The following DTNB variants were observed in gnomAD, a reference collection of about 807,000 sequenced individuals.
The protein encoded by DTNB is DTN-B.
DTNB carries 63 observed loss-of-function variants against 90.7 expected under a neutral mutation model. The ratio of observed to expected loss-of-function variants is 0.69; its 90% CI spans 0.57 to 0.86. The LOEUF is 0.86. DTNB is among the 40% of genes least tolerant of loss of function. DTNB has a pLI of 0.00. For synonymous variants in DTNB, 277 were observed against 286.7 expected (o/e 0.97, Z 0.34); for missense variants, 744 against 807.1 (o/e 0.92, Z 0.95).
intron 18 of DTNB, among the ~76,000 whole-genome samples, 169 bp from the exon 19 acceptor site, chr2:25,384,058 G>A (rs970736165): frequency 6.6e-6 from 1 of 152,232 alleles, no homozygotes; most frequent in Non-Finnish European, 1.5e-5. Context: ...TGCGGCCCAC[G>A]CCCCAGCACT....
At chr2:25,572,529 C>T (rs1411451151) in intron 8 of DTNB, among the ~76,000 whole-genome samples, 1 of 151,822 alleles carries the variant, frequency 6.6e-6, no homozygotes, top group Non-Finnish European at 1.5e-5. Flanking sequence ...ACGGTGGAGC[C>T]GGAGCAGGAG....
At chr2:25,464,739 T>C (rs531379345) in intron 10 of DTNB, among the ~76,000 whole-genome samples, 4 of 152,352 alleles carry the variant, frequency 2.6e-5, no homozygotes, top group African/African-American at 7.2e-5. Context: ...TTCTCTATGA[T>C]GCAGTGAGAA....
chr2:25,578,651 C>CAAGTGTGTT (rs1286829333), intron 7 of DTNB, among the ~76,000 whole-genome samples: 1 of 152,102 alleles, frequency 6.6e-6, no homozygotes, highest in East Asian at 1.9e-4. Context: ...AAAAAATTAA[C>CAAGTGTGTT]AAGTGTGTTG....
intron 9 of DTNB, among the ~76,000 whole-genome samples, chr2:25,526,397 T>TA (rs2077192595): frequency 3.1e-4 from 21 of 68,750 alleles, no homozygotes; most frequent in Non-Finnish European, 5.1e-4. Flanking sequence ...ATATATATAT[T>TA]TTTTTTTTTT....
At chr2:25,382,464 G>C (rs2038085909) in intron 19 of DTNB, among the ~76,000 whole-genome samples, 1 of 146,262 alleles carries the variant, frequency 6.8e-6, no homozygotes, top group African/African-American at 2.5e-5. Flanking sequence ...GTATAACATA[G>C]AAGGATGAAG....
intron 10 of DTNB, among the ~76,000 whole-genome samples, chr2:25,470,260 G>A (rs530639744): frequency 1.3e-5 from 2 of 151,962 alleles, no homozygotes; most frequent in African/African-American, 2.4e-5. Context: ...GTGAAAACCC[G>A]AACACCCAGA....
chr2:25,494,870 G>A (rs959367016), intron 9 of DTNB, among the ~76,000 whole-genome samples: 10 of 151,640 alleles, frequency 6.6e-5, no homozygotes, highest in African/African-American at 2.4e-4. Context: ...TTAGCGCTAG[G>A]AGGGGAACAG....
At chr2:25,410,830 CG>C (rs1219508127) in intron 16 of DTNB, among the ~76,000 whole-genome samples, 2 of 152,044 alleles carry the variant, frequency 1.3e-5, no homozygotes, top group Non-Finnish European at 2.9e-5. Context: ...TTTTTTAAAA[CG>C]TATCTGGCCT....
intron 10 of DTNB, among the ~76,000 whole-genome samples, chr2:25,463,785 A>G (rs1168162145): frequency 6.6e-6 from 1 of 152,250 alleles, no homozygotes; most frequent in African/African-American, 2.4e-5. Flanking sequence ...AGCTAGAGGA[A>G]ACCCCGTGGT....
chr2:25,484,080 AGCCTAGGCTACACCATACG>A (rs527324570), intron 9 of DTNB, among the ~76,000 whole-genome samples: 2 of 152,250 alleles, frequency 1.3e-5, no homozygotes, highest in Admixed American at 6.5e-5. Flanking sequence ...TACACCATAT[AGCCTAGGCTACACCATACG>A]GCCTAGGCTA....
rs760646876 is a variant in DTNB at position 25,580,802 on chromosome 2, A to G, written c.628T>C (p.Leu210=). The G allele has an allele frequency of 4.3e-6, 7 of 1,613,316 alleles. No individual in the cohort carries two copies. In the South Asian group the frequency reaches 7.7e-5, roughly 18 times the overall value. Residue 210 remains leucine, a synonymous_variant, in exon 7 of 21, where the codon TTA becomes CTA. Coordinates refer to ENST00000406818, the MANE Select transcript of DTNB (RefSeq NM_021907.5). The stretch of plus-strand genomic sequence containing the variant: ...GGAGGGTCAGCCATCATTGTGTCTA[A>G]AAACATATTTAGCATTATCTTTCTC... The part of the protein sequence containing the change: ...QQRKIMLNMF[L]DTMMADPPPQ...
intron 4 of DTNB, among the ~76,000 whole-genome samples, chr2:25,627,774 T>C (rs1002071471): frequency 1.3e-5 from 2 of 151,048 alleles, no homozygotes; most frequent in East Asian, 3.9e-4. Context: ...TCTCGCTCTG[T>C]CGCCCAGGCT....
chr2:25,526,950 C>T (rs944655154), intron 9 of DTNB, among the ~76,000 whole-genome samples: 1 of 151,936 alleles, frequency 6.6e-6, no homozygotes, highest in Non-Finnish European at 1.5e-5. Flanking sequence ...AAAATACAGA[C>T]CATTTTCCAG....
intron 10 of DTNB, among the ~76,000 whole-genome samples, chr2:25,474,996 CTT>C (rs2063492404): frequency 6.6e-6 from 1 of 152,316 alleles, no homozygotes; most frequent in African/African-American, 2.4e-5. Flanking sequence ...CTCTCTCTCT[CTT>C]CTCAGGCCTC....
intron 8 of DTNB, among the ~76,000 whole-genome samples, chr2:25,570,397 T>G (rs2059661095): frequency 7.9e-6 from 1 of 127,098 alleles, no homozygotes. Flanking sequence ...ATAGAGTGGT[T>G]TCCTGTCTCA....
At chr2:25,518,438 C>A (rs1483076227) in intron 9 of DTNB, among the ~76,000 whole-genome samples, 1 of 152,048 alleles carries the variant, frequency 6.6e-6, no homozygotes, top group Admixed American at 6.6e-5. Context: ...AATGCTGTTT[C>A]TCCTCACTGC....
chr2:25,531,531 G>A lies in DTNB; in HGVS notation c.943C>T (p.Pro315Ser), dbSNP rs2078185547. The A allele has an allele frequency of 2.5e-6, 4 of 1,613,882 alleles. No individual in the cohort carries two copies. In the East Asian group the frequency reaches 8.9e-5, roughly 36 times the overall value. Reference sequence around the variant, plus strand: ...TGCTCAGGAAAAACAGGATGCGGGGGTTCTCTCGTGGGTACACACCCCAAA... The same window carrying A: ...TGCTCAGGAAAAACAGGATGCGGGGATTCTCTCGTGGGTACACACCCCAAA... ...KSLGCVPTRE[P>S]PHPVFPEQPE... is the part of the protein sequence containing the mutation. Residue 315 changes from proline (P) to serine (S), a missense_variant, in exon 9 of 21, where the codon CCC (proline) becomes TCC (serine). Physicochemically the swap from Pro to Ser is moderately conservative, Grantham distance 74 (BLOSUM62 -1). Coordinates refer to ENST00000406818, the MANE Select transcript of DTNB (RefSeq NM_021907.5).
chr2:25,672,068 CAAG>C (rs890928390), intron 1 of DTNB, among the ~76,000 whole-genome samples: 61 of 151,958 alleles, frequency 4.0e-4, no homozygotes, highest in African/African-American at 1.4e-3. Context: ...AGCAACAGGC[CAAG>C]GAGCAAGCTC....
intron 9 of DTNB, among the ~76,000 whole-genome samples, chr2:25,484,141 A>G (rs1173496210): frequency 6.6e-6 from 1 of 152,050 alleles, no homozygotes; most frequent in African/African-American, 2.4e-5. Context: ...AGCAGGCGAA[A>G]CCACCTAGGT....
Sources: allele counts gnomAD v4.1 joint callset (sites outside exome capture counted in the v4.1 genomes callset), GRCh38; gene constraint gnomAD v4.1.1; transcripts MANE v1.5; gene names NCBI Gene and HGNC (gene_info 2026-07-23, HGNC 2026-07-21).